DKK3: variants seen among roughly 807,000 people sequenced by gnomAD.
The protein encoded by DKK3 is dickkopf-related protein 3.
Under a neutral mutation model 33.2 loss-of-function variants are expected in DKK3, and 22 were observed. The observed-to-expected ratio is 0.66, with a 90% CI of 0.47 to 0.95. The LOEUF (loss-of-function observed/expected upper bound fraction) is 0.95, where lower values mean the gene tolerates loss of function less well. Among genes scored for constraint, DKK3 ranks in the 40% least tolerant of loss-of-function variants. DKK3 has a pLI of 0.00. For missense variants in DKK3, 398 were observed against 458.4 expected (o/e 0.87, Z 1.20); for synonymous variants, 194 against 188.8 (o/e 1.03, Z -0.23).
chr11:11,973,871 C>T (rs1044444532), intron 3 of DKK3, among the ~76,000 whole-genome samples: 3 of 152,202 alleles, frequency 2.0e-5, no homozygotes, highest in African/African-American at 7.2e-5. Context: ...AGGGAGAGGA[C>T]AACAATGAGT....
chr11:12,009,635 C>T, upstream of DKK3: 5 of 985,632 alleles, frequency 5.1e-6, no homozygotes, highest in Non-Finnish European at 6.0e-6. Context: ...TCCTCAGTCC[C>T]ACCTTGGTCT....
At chr11:12,004,458 C>CTA (rs1848496972) in intron 1 of DKK3, among the ~76,000 whole-genome samples, 1 of 152,138 alleles carries the variant, frequency 6.6e-6, no homozygotes, top group African/African-American at 2.4e-5. Context: ...GGGAAAGACT[C>CTA]TAAGTAAGTC....
At chr11:11,984,438 A>AAAT (rs60343817) in intron 3 of DKK3, among the ~76,000 whole-genome samples, 59,600 of 151,750 alleles carry the variant, frequency 0.39, 12,151 homozygotes, top group East Asian at 0.77. Context: ...GAAGTACTGC[A>AAAT]AATATTGTGG....
intron 3 of DKK3, among the ~76,000 whole-genome samples, chr11:11,976,397 C>T (rs541559690): frequency 6.6e-6 from 1 of 152,366 alleles, no homozygotes; most frequent in South Asian, 2.1e-4. Context: ...CCCTGAGCAT[C>T]CATCACCTCA....
chr11:11,988,394 A>G (rs1848114737), intron 3 of DKK3, among the ~76,000 whole-genome samples: 1 of 152,162 alleles, frequency 6.6e-6, no homozygotes, highest in Admixed American at 6.5e-5. Context: ...AGCATTAAAC[A>G]TGTCCTTCTG....
intron 3 of DKK3, among the ~76,000 whole-genome samples, chr11:11,986,957 A>G (rs1848083289): frequency 1.3e-5 from 2 of 152,370 alleles, no homozygotes; most frequent in South Asian, 4.1e-4. Flanking sequence ...AGACTCATTT[A>G]CATACTTACA....
intron 3 of DKK3, chr11:11,978,811 A>G (rs1847894466): frequency 6.6e-6 from 1 of 152,214 alleles, no homozygotes; most frequent in South Asian, 2.1e-4. Flanking sequence ...CCTGCATCCT[A>G]AGCATTAACT....
At chr11:11,977,319 C>T (rs1847854494) in intron 3 of DKK3, among the ~76,000 whole-genome samples, 1 of 152,044 alleles carries the variant, frequency 6.6e-6, no homozygotes. Context: ...CAGCTCCCAC[C>T]TCCAGAGCTC....
chr11:11,971,305 C>A (rs1228034953), intron 3 of DKK3, among the ~76,000 whole-genome samples: 1 of 152,174 alleles, frequency 6.6e-6, no homozygotes, highest in Non-Finnish European at 1.5e-5. Context: ...TGCAGTTGTT[C>A]TTTGCATAAT....
intron 5 of DKK3, 51 bp from the exon 6 acceptor site, chr11:11,966,016 C>A: frequency 6.5e-7 from 1 of 1,549,478 alleles, no homozygotes; most frequent in Non-Finnish European, 8.7e-7. Flanking sequence ...GGTAGAAGGG[C>A]TCCAAAGGGA....
chr11:11,980,637 T>C (rs1191247794), intron 3 of DKK3, among the ~76,000 whole-genome samples: 2 of 152,074 alleles, frequency 1.3e-5, no homozygotes, highest in South Asian at 4.1e-4. Flanking sequence ...AAGGAAGCCT[T>C]CCCAGACTCT....
rs563474065 is a variant in DKK3 at position 11,988,530 on chromosome 11, C to T, written c.435+10166G>A. On this transcript the variant is annotated intron_variant, in intron 3 of 6. Coordinates refer to ENST00000683431, the MANE Select transcript of DKK3 (RefSeq NM_001018057.2). ...CCTGGCCTACCTCCCGGGAAGCCCT[C>T]GCTACCACAGGTGGGAATTGATAAA... Among the ~76,000 whole-genome samples, 8 of 152,316 alleles carry T rather than the reference C, an allele frequency of 5.3e-5. No individual in the cohort carries two copies. The South Asian group carries it at 1.0e-3, about 20-fold the overall frequency.
At chr11:12,003,063 C>T (rs980211694) in intron 1 of DKK3, among the ~76,000 whole-genome samples, 2 of 152,212 alleles carry the variant, frequency 1.3e-5, no homozygotes, top group Non-Finnish European at 2.9e-5. Flanking sequence ...TGGGATGGAG[C>T]CCTAGATGCC....
intron 6 of DKK3, among the ~76,000 whole-genome samples, chr11:11,965,422 A>G (rs1028798588): frequency 6.6e-6 from 1 of 152,066 alleles, no homozygotes; most frequent in Admixed American, 6.5e-5. Flanking sequence ...TGTGGGCTGC[A>G]CCCTCCACCT....
At chr11:11,970,766 G>A (rs1847707867) in intron 3 of DKK3, among the ~76,000 whole-genome samples, 1 of 152,214 alleles carries the variant, frequency 6.6e-6, no homozygotes, top group Admixed American at 6.5e-5. Context: ...TTTGTAGATG[G>A]AAGGGGGGCC....
intron 3 of DKK3, among the ~76,000 whole-genome samples, chr11:11,995,398 G>A (rs12421658): frequency 0.061 from 9,263 of 152,166 alleles, 380 homozygotes; most frequent in Middle Eastern, 0.14. Flanking sequence ...CAGAAGTCTT[G>A]GCCAGTATCT....
At position 11,965,921 on chromosome 11, in the gene DKK3, G is replaced by C. The variant is rs1564905479; in HGVS notation, c.718C>G (p.Leu240Val). ...AGCCGGCTGGCGGGGTCATGGCAAAGCTCGCCCTCCACGGGCAGGGGTGTG... is the reference window on the plus strand; with the variant it reads ...AGCCGGCTGGCGGGGTCATGGCAAACCTCGCCCTCCACGGGCAGGGGTGTG... The part of the protein sequence containing the change: ...VCTPLPVEGE[L>V]CHDPASRLLD... The change falls in exon 6 of 7, where the codon CTT becomes GTT. Residue 240 changes from leucine (L) to valine (V), a missense_variant. By Grantham distance (32) the Leu-to-Val change is conservative. Coordinates refer to ENST00000683431, the MANE Select transcript of DKK3 (RefSeq NM_001018057.2). The C allele has an allele frequency of 2.5e-6, 4 of 1,613,974 alleles. No homozygotes were observed. Among genetic ancestry groups the C allele is most frequent in the Non-Finnish European group, 3.4e-6 (4 of 1,180,028 alleles).
In DKK3 at chr11:12,008,092, A is replaced by C. The variant is rs1246483403; in HGVS notation, c.213+278T>G. Among the ~76,000 whole-genome samples, 8 of 151,872 alleles carry C rather than the reference A, an allele frequency of 5.3e-5. No homozygotes were observed. The South Asian group carries it at 1.7e-3, about 32-fold the overall frequency. On this transcript the variant is annotated intron_variant, in intron 1 of 6. Coordinates refer to ENST00000683431, the MANE Select transcript of DKK3 (RefSeq NM_001018057.2). The surrounding 1 kb of genome is among the most constrained non-coding windows in gnomAD (Gnocchi z 4.6). ...AAGGCCAACGGCATGCCTGACGCCA[A>C]CTGCAGGCAGGTGGTGGCCCCAGCT...
At position 11,963,920 on chromosome 11, in the gene DKK3, G is replaced by A. The variant is rs929483215; in HGVS notation, c.*544C>T. 1 of 154,734 alleles carries A rather than the reference G, an allele frequency of 6.5e-6. No homozygotes were observed. Among genetic ancestry groups the A allele is most frequent in the Non-Finnish European group, 1.4e-5 (1 of 69,504 alleles). The allele number at this position is 154,734 out of a possible 1,614,324, so 9.6% of individuals were successfully genotyped here. Reference sequence around the variant, plus strand: ...CTGCCCTGGCACAGAGGTAGGAGCTGAGCAACACTGCTGGATGAATAAACA... The same window carrying A: ...CTGCCCTGGCACAGAGGTAGGAGCTAAGCAACACTGCTGGATGAATAAACA... On this transcript the variant is annotated 3_prime_UTR_variant, in exon 7 of 7. Transcript: ENST00000683431.
Sources: gnomAD v4.1 joint callset for allele counts (sites outside exome capture counted in the v4.1 genomes callset) on GRCh38, gnomAD v4.1.1 for gene constraint, Gnocchi (gnomAD v3.1) non-coding constraint, MANE v1.5 for transcripts, NCBI Gene and HGNC (gene_info 2026-07-23, HGNC 2026-07-21) for gene names.